The following DLGAP2 variants were observed in gnomAD, a reference collection of about 807,000 sequenced individuals.
DLGAP2 encodes the protein disks large-associated protein 2.
Under a neutral mutation model 100.3 loss-of-function variants are expected in DLGAP2, and 26 were observed. The observed-to-expected ratio is 0.26, with a 90% CI of 0.19 to 0.36. DLGAP2 has a LOEUF of 0.36. Among genes scored for constraint, DLGAP2 ranks in the 10% least tolerant of loss-of-function variants. The pLI is 1.00. For synonymous variants in DLGAP2, 886 were observed against 630.1 expected, an observed-to-expected ratio of 1.41 and a Z score of -6.08; for missense variants, 1,858 against 1,453.2, an observed-to-expected ratio of 1.28 and a Z score of -4.53.
chr8:1,306,057 T>C (rs567129848), intron 3 of DLGAP2, among the ~76,000 whole-genome samples: 1 of 112,474 alleles, frequency 8.9e-6, no homozygotes, highest in African/African-American at 3.2e-5. Context: ...GTAGAAGTCC[T>C]AGACAGAGAA....
chr8:1,528,191 G>C (rs1459400889), intron 4 of DLGAP2, among the ~76,000 whole-genome samples: 5 of 152,202 alleles, frequency 3.3e-5, no homozygotes, highest in African/African-American at 1.2e-4. Flanking sequence ...GGGTTCCACT[G>C]CTGGAACAGC....
intron 1 of DLGAP2, among the ~76,000 whole-genome samples, chr8:779,467 C>CT (rs35954348): frequency 0.3 from 42,436 of 142,116 alleles, 6,962 homozygotes; most frequent in East Asian, 0.77. Context: ...TTCTTTCTTT[C>CT]TTTTTTTTTT....
intron 8 of DLGAP2, among the ~76,000 whole-genome samples, chr8:1,635,151 T>G (rs1353352510): frequency 2.6e-5 from 4 of 152,240 alleles, no homozygotes; most frequent in Non-Finnish European, 5.9e-5. Flanking sequence ...CATTTTACTC[T>G]AAGTATTGTA....
At chr8:1,671,449 C>T (rs1178437147) in intron 10 of DLGAP2, among the ~76,000 whole-genome samples, 2 of 152,250 alleles carry the variant, frequency 1.3e-5, no homozygotes, top group African/African-American at 4.8e-5. Flanking sequence ...GCGTCCACGT[C>T]ACTGAACACA....
intron 1 of DLGAP2, among the ~76,000 whole-genome samples, chr8:876,922 C>T (rs902017112): frequency 4.6e-5 from 7 of 151,658 alleles, no homozygotes; most frequent in Non-Finnish European, 7.4e-5. Flanking sequence ...TTAAACCCCA[C>T]GAATGAGTTT....
intron 2 of DLGAP2, among the ~76,000 whole-genome samples, chr8:974,823 ACTT>A (rs1800122204): frequency 2.0e-5 from 3 of 152,304 alleles, no homozygotes; most frequent in South Asian, 2.1e-4. Context: ...AATCATCTAA[ACTT>A]CTTCTTTAAA....
At chr8:1,419,108 T>A (rs1286825495) in intron 3 of DLGAP2, among the ~76,000 whole-genome samples, 2 of 152,214 alleles carry the variant, frequency 1.3e-5, no homozygotes, top group Non-Finnish European at 1.5e-5. Flanking sequence ...CCAAAACCCT[T>A]GGTAGGTTTT....
rs1053135453 is a variant in DLGAP2, at chr8:1,701,463, C to T, written c.*57C>T. ...TCCGCTTTCCCGGACGCTTGTGCAGCGCGGCGCCGCCCTGGTGGTTTCTGT... is the reference window on the plus strand; with the variant it reads ...TCCGCTTTCCCGGACGCTTGTGCAGTGCGGCGCCGCCCTGGTGGTTTCTGT... On this transcript the variant is annotated 3_prime_UTR_variant, in exon 15 of 15. Coordinates refer to ENST00000637795, the MANE Select transcript of DLGAP2 (RefSeq NM_001346810.2). 1.3e-6 allele frequency: 2 copies of T among 1,503,690 alleles called. No homozygotes were observed. Among genetic ancestry groups the T allele is most frequent in the Middle Eastern group, 2.3e-4 (1 of 4,422 alleles). The allele number at this position is 1,503,690 out of a possible 1,614,324, so 93.1% of individuals were successfully genotyped here.
intron 2 of DLGAP2, among the ~76,000 whole-genome samples, chr8:1,069,859 G>A (rs1200039984): frequency 3.9e-5 from 6 of 152,192 alleles, no homozygotes; most frequent in South Asian, 2.1e-4. Context: ...TCACGTCTGC[G>A]GAAGAGGCCA....
intron 6 of DLGAP2, among the ~76,000 whole-genome samples, chr8:1,603,910 C>T (rs982259791): frequency 1.3e-5 from 2 of 152,126 alleles, no homozygotes; most frequent in Non-Finnish European, 2.9e-5. Context: ...TTACTAAACT[C>T]AAGTTGCCTC....
Position 1,280,786 on chromosome 8 carries a change from G to C in DLGAP2, c.106+21903G>C, listed in dbSNP as rs115068903. Among the ~76,000 whole-genome samples, 765 of 152,302 alleles carry C rather than the reference G, an allele frequency of 5.0e-3. 6 individuals carry two copies. Among genetic ancestry groups the C allele is most frequent in the African/African-American group, 0.017 (687 of 41,566 alleles). ...GGGGTCAGGTTGCCATGCAAGCTTC[G>C]TGTTTGCAGATGTCACCTGTAATGG... On this transcript the variant is annotated intron_variant, in intron 3 of 14. Coordinates refer to ENST00000637795, the MANE Select transcript of DLGAP2 (RefSeq NM_001346810.2).
intron 8 of DLGAP2, among the ~76,000 whole-genome samples, chr8:1,659,890 G>A (rs1007746856): frequency 6.6e-6 from 1 of 152,120 alleles, no homozygotes; most frequent in Non-Finnish European, 1.5e-5. Context: ...TCATTATGAT[G>A]ATAGCTGGTT....
intron 3 of DLGAP2, among the ~76,000 whole-genome samples, chr8:1,469,593 G>T (rs146800226): frequency 6.6e-6 from 1 of 152,270 alleles, no homozygotes; most frequent in East Asian, 1.9e-4. Context: ...CCACGTATTC[G>T]TATTTTCACT....
chr8:1,050,279 A>G (rs1234788685), intron 2 of DLGAP2, among the ~76,000 whole-genome samples: 2 of 152,274 alleles, frequency 1.3e-5, no homozygotes, highest in Non-Finnish European at 2.9e-5. Flanking sequence ...TGGTTCAAAC[A>G]TGATACAGGT....
chr8:1,627,986 C>T lies in DLGAP2; in HGVS notation c.1590+1099C>T, dbSNP rs534350880. 1.4e-3 allele frequency among the ~76,000 whole-genome samples: 182 copies of T among 128,722 alleles called. 6 individuals are homozygous for T. The Middle Eastern group carries it at 0.017, about 12-fold the overall frequency. 84.4% of individuals were successfully genotyped at this position (128,722 alleles called of 152,430 possible). On this transcript the variant is annotated intron_variant, in intron 7 of 14. Transcript: ENST00000637795. ...ACATTCTCTCTGACTTACTGTGGAG[C>T]AGGGATTAAGAGCTTGAGCCGACCT...
At chr8:1,490,409 AAGTTAAGAGC>A (rs1234118134) in intron 3 of DLGAP2, among the ~76,000 whole-genome samples, 2 of 152,192 alleles carry the variant, frequency 1.3e-5, no homozygotes, top group African/African-American at 4.8e-5. Context: ...TCAGCTAAAG[AAGTTAAGAGC>A]GTTTCAAAGT....
At chr8:1,553,421 G>A (rs1322993998) in intron 5 of DLGAP2, among the ~76,000 whole-genome samples, 4 of 152,238 alleles carry the variant, frequency 2.6e-5, no homozygotes, top group East Asian at 1.9e-4. Context: ...TTTGTTTGGC[G>A]TGTTCACGGG....
At chr8:1,555,277 G>A (rs1260229224) in intron 5 of DLGAP2, among the ~76,000 whole-genome samples, 1 of 152,178 alleles carries the variant, frequency 6.6e-6, no homozygotes, top group Non-Finnish European at 1.5e-5. Context: ...CCAGCCACCA[G>A]CTGCCCCATC....
At chr8:1,325,980 T>C (rs1801012543) in intron 3 of DLGAP2, among the ~76,000 whole-genome samples, 1 of 152,226 alleles carries the variant, frequency 6.6e-6, no homozygotes, top group South Asian at 2.1e-4. Context: ...AATGTGAGTT[T>C]CTGCCTCCGG....
Sources: gnomAD v4.1 joint callset for allele counts (sites outside exome capture counted in the v4.1 genomes callset) on GRCh38, gnomAD v4.1.1 for gene constraint, MANE v1.5 for transcripts, NCBI Gene and HGNC (gene_info 2026-07-23, HGNC 2026-07-21) for gene names.